Variants in TENM3 observed in about 807,000 individuals in gnomAD.
TENM3 encodes the protein teneurin transmembrane protein 3, also known as teneurin-3.
A neutral mutation model predicts 255.1 loss-of-function variants in TENM3; 63 were observed. The observed-to-expected ratio is 0.25, with a 90% confidence interval of 0.20 to 0.30. The LOEUF (loss-of-function observed/expected upper bound fraction) is 0.30. Ranked by LOEUF, TENM3 falls within the 10% of genes least tolerant of loss-of-function variation. The pLI is 1.00. For synonymous variants in TENM3, 1,306 were observed against 1,322.3 expected (o/e 0.99, Z 0.27); for missense variants, 2,929 against 3,461.1 (o/e 0.85, Z 3.86).
chr4:182,328,739 T>G (rs1763575543), intron 2 of TENM3, among the ~76,000 whole-genome samples: 1 of 152,124 alleles, frequency 6.6e-6, no homozygotes. Flanking sequence ...CTCTTCATTC[T>G]TACCATCATC....
At chr4:182,363,550 A>G (rs1344466808) in intron 3 of TENM3, among the ~76,000 whole-genome samples, 2 of 152,092 alleles carry the variant, frequency 1.3e-5, no homozygotes, top group Non-Finnish European at 1.5e-5. Flanking sequence ...AAAAAAATGC[A>G]TGTTTATAAA....
chr4:182,037,265 G>A, the TENM3 span, among the ~76,000 whole-genome samples: 9 of 151,376 alleles, frequency 5.9e-5, no homozygotes, highest in East Asian at 3.9e-4. Flanking sequence ...CTCCTGCCTC[G>A]GGCTCCTGAG....
At chr4:182,556,590 CTTATAAGTT>C (rs1742610183) in intron 3 of TENM3, among the ~76,000 whole-genome samples, 5 of 152,112 alleles carry the variant, frequency 3.3e-5, no homozygotes, top group Admixed American at 3.3e-4. Flanking sequence ...TAGCTTATCT[CTTATAAGTT>C]TTACTTACAT....
At chr4:181,927,745 C>T in the TENM3 span, among the ~76,000 whole-genome samples, 5 of 152,178 alleles carry the variant, frequency 3.3e-5, no homozygotes, top group Admixed American at 6.5e-5. Context: ...CCTCCCAGCA[C>T]GGGTCGACAG....
intron 1 of TENM3, among the ~76,000 whole-genome samples, chr4:182,185,422 C>G (rs188785405): frequency 5.3e-5 from 8 of 152,278 alleles, no homozygotes; most frequent in African/African-American, 1.7e-4. Context: ...GGAATCTGAT[C>G]AAAGGCAGTA....
the TENM3 span, among the ~76,000 whole-genome samples, chr4:181,917,678 T>C: frequency 2.0e-5 from 3 of 150,610 alleles, no homozygotes; most frequent in Admixed American, 6.6e-5. Flanking sequence ...TTTTTTTTTT[T>C]TGAGACAGGG....
the TENM3 span, among the ~76,000 whole-genome samples, chr4:182,134,572 T>C: frequency 2.0e-5 from 3 of 152,256 alleles, no homozygotes; most frequent in East Asian, 5.8e-4. Flanking sequence ...CTTTCACAGA[T>C]TTTGTGGATT....
At chr4:182,039,393 T>C in the TENM3 span, among the ~76,000 whole-genome samples, 4 of 152,128 alleles carry the variant, frequency 2.6e-5, no homozygotes, top group Non-Finnish European at 4.4e-5. Context: ...AGCCCCTTCA[T>C]TGGGTTCATC....
At chr4:181,728,653 G>A in the TENM3 span, among the ~76,000 whole-genome samples, 1 of 152,138 alleles carries the variant, frequency 6.6e-6, no homozygotes, top group African/African-American at 2.4e-5. Flanking sequence ...TCACCATCTT[G>A]GCTTGTGAAG....
At chr4:182,779,432 C>A (rs2152807207) in intron 24 of TENM3, among the ~76,000 whole-genome samples, 1 of 152,196 alleles carries the variant, frequency 6.6e-6, no homozygotes, top group East Asian at 1.9e-4. Context: ...TGTATATGTG[C>A]CACATTTTCT....
chr4:182,386,920 G>C (rs1014279962), intron 3 of TENM3, among the ~76,000 whole-genome samples: 29 of 152,364 alleles, frequency 1.9e-4, no homozygotes, highest in African/African-American at 7.0e-4. Context: ...GACCGCCCAA[G>C]GGCTGAGGAG....
At chr4:182,064,144 T>G in the TENM3 span, among the ~76,000 whole-genome samples, 4 of 151,806 alleles carry the variant, frequency 2.6e-5, no homozygotes, top group South Asian at 2.1e-4. Context: ...ATTGTAAAAT[T>G]TAAATGAGAT....
In TENM3 at chr4:182,673,028, G is replaced by T; in HGVS notation, c.1135G>T (p.Glu379Ter). The T allele has an allele frequency of 1.3e-6, 2 of 1,593,728 alleles. No individual in the cohort carries two copies. The highest frequency in any genetic ancestry group is 1.7e-6 in the Non-Finnish European group (2 of 1,167,926). The change falls in exon 7 of 28, where the codon GAA (glutamate) becomes TAA (stop). Residue 379 changes from glutamate (E) to a stop codon, truncating the protein, a stop_gained. Coordinates refer to ENST00000511685, the MANE Select transcript of TENM3 (RefSeq NM_001080477.4). LOFTEE classifies it high-confidence loss of function. ...DNGKLGGFTQ[E>*]NNTIDSGELD... ...AGGAAAATTAGGTGGATTTACGCAAGAAAATAACACCATAGATTCCGGAGA... is the reference window on the plus strand; with the variant it reads ...AGGAAAATTAGGTGGATTTACGCAATAAAATAACACCATAGATTCCGGAGA...
the TENM3 span, among the ~76,000 whole-genome samples, chr4:182,017,816 A>T: frequency 6.6e-6 from 1 of 152,202 alleles, no homozygotes; most frequent in Non-Finnish European, 1.5e-5. Flanking sequence ...GAGCCCATGA[A>T]CACATTCAGA....
At chr4:181,794,532 C>G in the TENM3 span, among the ~76,000 whole-genome samples, 1 of 152,080 alleles carries the variant, frequency 6.6e-6, no homozygotes, top group Admixed American at 6.6e-5. Flanking sequence ...CAAGTGAGAT[C>G]CTGCAGTATT....
At chr4:181,612,009 G>T in the TENM3 span, among the ~76,000 whole-genome samples, 8 of 152,184 alleles carry the variant, frequency 5.3e-5, no homozygotes, top group African/African-American at 1.9e-4. Flanking sequence ...TGTTGCAAAA[G>T]TTAATGGTAA....
At chr4:182,024,125 C>G in the TENM3 span, among the ~76,000 whole-genome samples, 1 of 151,912 alleles carries the variant, frequency 6.6e-6, no homozygotes, top group Non-Finnish European at 1.5e-5. Flanking sequence ...AAACAACATT[C>G]AAAAGATTAA....
Position 182,799,939 on chromosome 4 carries a change from G to T in TENM3, c.7688G>T (p.Arg2563Leu), listed in dbSNP as rs1353268005. 1 of 1,597,450 alleles carries T rather than the reference G, an allele frequency of 6.3e-7. No homozygotes were observed. Among genetic ancestry groups the T allele is most frequent in the African/African-American group, 1.3e-5 (1 of 74,696 alleles). ...TTPESDLGTL[R>L]LTSGRKALEN... is the part of the protein sequence containing the mutation. Reference sequence around the variant, plus strand: ...CCCGAGAGCGACCTGGGCACGCTGCGGTTGACCAGCGGCCGCAAGGCGCTG... The same window carrying T: ...CCCGAGAGCGACCTGGGCACGCTGCTGTTGACCAGCGGCCGCAAGGCGCTG... The change falls in exon 28 of 28, where the codon CGG becomes CTG. Residue 2563 changes from arginine (R) to leucine (L), a missense_variant. Around this residue, in one of 6 missense-constraint regions of TENM3, gnomAD observed 476 missense variants for 480.1 expected, o/e 0.99. Transcript: ENST00000511685. The surrounding 1 kb of genome is among the most constrained non-coding windows in gnomAD (Gnocchi z 4.2).
At chr4:182,758,358 T>C (rs903232185) in intron 22 of TENM3, among the ~76,000 whole-genome samples, 16 of 152,234 alleles carry the variant, frequency 1.1e-4, no homozygotes, top group South Asian at 6.2e-4. Context: ...GGAGGTGTCA[T>C]TATCAGGCCG....
Sources: allele counts gnomAD v4.1 joint callset (sites outside exome capture counted in the v4.1 genomes callset), GRCh38; gene constraint gnomAD v4.1.1; regional missense constraint gnomAD v4.1.1; non-coding constraint Gnocchi (gnomAD v3.1); transcripts MANE v1.5; gene names NCBI Gene and HGNC (gene_info 2026-07-23, HGNC 2026-07-21).